Variants in PLA2R1 observed in about 807,000 individuals in gnomAD.
PLA2R1 encodes the protein secretory phospholipase A2 receptor.
Under a neutral mutation model 195.9 loss-of-function variants are expected in PLA2R1, and 158 were observed. The observed-to-expected ratio is 0.81, with a 90% CI of 0.71 to 0.92. The LOEUF is 0.92. Ranked by LOEUF, PLA2R1 falls within the 40% of genes least tolerant of loss-of-function variation. The probability of loss-of-function intolerance (pLI) is 0.00; values close to 1 mark genes in which losing one functional copy is unlikely to be tolerated. For synonymous variants in PLA2R1, 586 were observed against 598.2 expected, an observed-to-expected ratio of 0.98 and a Z score of 0.30; for missense variants, 1,626 against 1,764.6, an observed-to-expected ratio of 0.92 and a Z score of 1.41.
At chr2:159,948,167 C>G (rs761343889) in intron 25 of PLA2R1, among the ~76,000 whole-genome samples, 1 of 152,202 alleles carries the variant, frequency 6.6e-6, no homozygotes, top group Non-Finnish European at 1.5e-5. Context: ...GGGCATGTTA[C>G]CTTGCACTTG....
intron 26 of PLA2R1, 29 bp downstream of exon 26, chr2:159,947,390 A>G (rs982674540): frequency 1.1e-5 from 18 of 1,577,300 alleles, no homozygotes; most frequent in Non-Finnish European, 1.5e-5. Context: ...AGCACATGAA[A>G]GCATTTTTAC....
chr2:159,973,625 G>C (rs1689335483), intron 17 of PLA2R1, among the ~76,000 whole-genome samples: 3 of 152,150 alleles, frequency 2.0e-5, no homozygotes, highest in Admixed American at 6.5e-5. Context: ...TGAGTTTCCA[G>C]CCTCCAGGAC....
chr2:160,031,150 T>C (rs1295522006), intron 4 of PLA2R1, among the ~76,000 whole-genome samples: 1 of 152,202 alleles, frequency 6.6e-6, no homozygotes, highest in Non-Finnish European at 1.5e-5. Context: ...CTGGAAGATA[T>C]TAACAACTTA....
the PLA2R1 span, among the ~76,000 whole-genome samples, chr2:159,926,687 G>T: frequency 3.3e-5 from 5 of 152,190 alleles, no homozygotes; most frequent in Admixed American, 6.5e-5. Context: ...AGTGGTCACT[G>T]GAGAGAGTTT....
intron 3 of PLA2R1, among the ~76,000 whole-genome samples, chr2:160,040,413 G>A (rs1694454113): frequency 6.6e-6 from 1 of 152,148 alleles, no homozygotes; most frequent in Admixed American, 6.5e-5. Flanking sequence ...CATATTGGCT[G>A]TTAAATGTGT....
intron 17 of PLA2R1, among the ~76,000 whole-genome samples, chr2:159,972,943 A>G (rs559926249): frequency 6.6e-6 from 1 of 152,194 alleles, no homozygotes; most frequent in South Asian, 2.1e-4. Context: ...TTTAAACTGT[A>G]TCTAGCTTGC....
chr2:160,009,273 T>G (rs1322123416), intron 10 of PLA2R1, among the ~76,000 whole-genome samples: 1 of 152,228 alleles, frequency 6.6e-6, no homozygotes, highest in African/African-American at 2.4e-5. Flanking sequence ...ATGGTAGCAT[T>G]AGTCACAATA....
At chr2:159,981,619 G>T (rs990813142) in intron 13 of PLA2R1, among the ~76,000 whole-genome samples, 2 of 152,100 alleles carry the variant, frequency 1.3e-5, no homozygotes, top group Non-Finnish European at 2.9e-5. Context: ...ATGTTGCCCA[G>T]GCTGTTCTCT....
chr2:160,031,022 T>C (rs10929962), intron 4 of PLA2R1, among the ~76,000 whole-genome samples: 22,619 of 152,152 alleles, frequency 0.15, 1,821 homozygotes, highest in East Asian at 0.22. Context: ...CATTTCAGGC[T>C]TAAAATGATT....
intron 14 of PLA2R1, among the ~76,000 whole-genome samples, chr2:159,978,395 T>C (rs1336306281): frequency 6.6e-6 from 1 of 152,198 alleles, no homozygotes; most frequent in Non-Finnish European, 1.5e-5. Context: ...ATGTACACTG[T>C]CACGTAATAA....
At chr2:159,962,938 C>T (rs368223908) in intron 20 of PLA2R1, among the ~76,000 whole-genome samples, 11 of 152,050 alleles carry the variant, frequency 7.2e-5, no homozygotes, top group South Asian at 6.2e-4. Flanking sequence ...ATGTAGGTGA[C>T]GGGTTGATGG....
intron 20 of PLA2R1, among the ~76,000 whole-genome samples, chr2:159,962,326 A>T (rs986275269): frequency 1.3e-5 from 2 of 152,258 alleles, no homozygotes; most frequent in Admixed American, 1.3e-4. Flanking sequence ...AATCAAACCC[A>T]CAATGAGATA....
At chr2:159,971,137 T>C (rs1482618831) in intron 17 of PLA2R1, among the ~76,000 whole-genome samples, 1 of 152,170 alleles carries the variant, frequency 6.6e-6, no homozygotes, top group Non-Finnish European at 1.5e-5. Flanking sequence ...TGTGTCAACA[T>C]GGACACATTT....
chr2:159,993,559 C>T (rs1301698444), intron 11 of PLA2R1, among the ~76,000 whole-genome samples: 1 of 151,764 alleles, frequency 6.6e-6, no homozygotes, highest in Non-Finnish European at 1.5e-5. Flanking sequence ...GACTGTGATG[C>T]TGAAATAATA....
At chr2:160,035,418 C>G (rs1164598363) in intron 3 of PLA2R1, among the ~76,000 whole-genome samples, 1 of 152,186 alleles carries the variant, frequency 6.6e-6, no homozygotes, top group Non-Finnish European at 1.5e-5. Context: ...TAGTGGTATA[C>G]TTAGCCCCTG....
chr2:159,968,772 T>C (rs1688949568), intron 19 of PLA2R1, among the ~76,000 whole-genome samples: 1 of 152,192 alleles, frequency 6.6e-6, no homozygotes, highest in Non-Finnish European at 1.5e-5. Flanking sequence ...TTGCAAACAG[T>C]TGCCATTCTA....
chr2:159,990,041 C>A (rs541218071), intron 11 of PLA2R1, among the ~76,000 whole-genome samples: 1 of 151,980 alleles, frequency 6.6e-6, no homozygotes, highest in Non-Finnish European at 1.5e-5. Context: ...AACATTTGAC[C>A]CAAATTTTAA....
rs900245213 is a variant in PLA2R1, at chr2:159,938,239, G to C, written c.*3539C>G. 53 of 152,254 alleles carry C rather than the reference G, an allele frequency of 3.5e-4. No individual in the cohort carries two copies. The highest frequency in any genetic ancestry group is 1.2e-3 in the African/African-American group (51 of 41,460). The allele number at this position is 152,254 out of a possible 1,614,324, so 9.4% of individuals were successfully genotyped here. A position where few individuals can be genotyped will look rare whatever the true frequency, so the allele number is the denominator to read the frequency against. On this transcript the variant is annotated 3_prime_UTR_variant, in exon 30 of 30. Transcript: ENST00000283243. ...AACATCCTCTGTCAGCCACAGATTG[G>C]AGGCCCATGGAGGACTCCAGGCCTT...
At chr2:159,996,516 T>C (rs570606035) in intron 11 of PLA2R1, among the ~76,000 whole-genome samples, 4 of 152,210 alleles carry the variant, frequency 2.6e-5, no homozygotes, top group Admixed American at 1.3e-4. Flanking sequence ...TATGTCTACG[T>C]GTAGTTTTTC....
Sources: allele counts gnomAD v4.1 joint callset (sites outside exome capture counted in the v4.1 genomes callset), GRCh38; gene constraint gnomAD v4.1.1; transcripts MANE v1.5; gene names NCBI Gene and HGNC (gene_info 2026-07-23, HGNC 2026-07-21).